Variants in ANKRD31 observed in about 807,000 individuals in gnomAD.
ANKRD31 encodes ankyrin repeat domain-containing protein 31.
Under a neutral mutation model 186.0 loss-of-function variants are expected in ANKRD31, and 147 were observed. That is an observed-to-expected ratio of 0.79 (90% confidence interval 0.69 to 0.91). ANKRD31 has a LOEUF of 0.91. Among genes scored for constraint, ANKRD31 ranks in the 40% least tolerant of loss-of-function variants. ANKRD31 has a pLI of 0.00. For missense variants in ANKRD31, 1,986 were observed against 2,148.8 expected (o/e 0.92, Z 1.50); for synonymous variants, 673 against 736.4 (o/e 0.91, Z 1.39).
intron 22 of ANKRD31, among the ~76,000 whole-genome samples, chr5:75,098,579 C>T (rs1257959395): frequency 1.3e-5 from 2 of 152,062 alleles, no homozygotes; most frequent in Non-Finnish European, 2.9e-5. Flanking sequence ...AATGTTCTTC[C>T]ATTTGTTTGT....
intron 10 of ANKRD31, among the ~76,000 whole-genome samples, chr5:75,187,142 GTGTGTGTTT>G (rs1754789863): frequency 6.9e-6 from 1 of 144,384 alleles, no homozygotes; most frequent in Non-Finnish European, 1.5e-5. Flanking sequence ...GTGTGTGTGT[GTGTGTGTTT>G]TGGGAGGTGA....
chr5:75,226,182 C>T (rs1167838690), intron 2 of ANKRD31, among the ~76,000 whole-genome samples: 1 of 152,104 alleles, frequency 6.6e-6, no homozygotes, highest in Non-Finnish European at 1.5e-5. Context: ...TTTTTGATTC[C>T]CATCTCTGGC....
At chr5:75,097,221 T>G (rs1033869476) in intron 22 of ANKRD31, among the ~76,000 whole-genome samples, 1 of 152,234 alleles carries the variant, frequency 6.6e-6, no homozygotes, top group Admixed American at 6.5e-5. Context: ...TCTAGATCCT[T>G]GAGGAATCAC....
intron 17 of ANKRD31, among the ~76,000 whole-genome samples, chr5:75,133,850 G>C (rs9754475): frequency 1.8e-3 from 275 of 152,190 alleles, no homozygotes; most frequent in African/African-American, 5.7e-3. Flanking sequence ...TAGAACTCAG[G>C]ATTAAGAAAC....
At chr5:75,214,431 GGGGTACC>G (rs1756839424) in intron 3 of ANKRD31, among the ~76,000 whole-genome samples, 1 of 152,176 alleles carries the variant, frequency 6.6e-6, no homozygotes, top group Admixed American at 6.5e-5. Context: ...AGTAGCATCA[GGGGTACC>G]TAACTTTAGA....
intron 10 of ANKRD31, among the ~76,000 whole-genome samples, chr5:75,174,231 A>G (rs1753587859): frequency 6.6e-6 from 1 of 152,252 alleles, no homozygotes. Flanking sequence ...AATTAATTCA[A>G]GATGGATTAA....
In ANKRD31 at chr5:75,104,828, T is replaced by C; in HGVS notation, c.4731A>G (p.Lys1577=). The change falls in exon 22 of 26, where the codon AAA becomes AAG. Residue 1577 remains lysine, a synonymous_variant. Transcript: ENST00000506364. ...CCAAGGTACAATCACTGCCATTTTG[T>C]TTAGAATTCATATCATTTCCAGAAA... ...GEFSGNDMNS[K]QNGSDCTLDG... 1 of 1,537,234 alleles carries C rather than the reference T, an allele frequency of 6.5e-7. No individual in the cohort carries two copies. The highest frequency in any genetic ancestry group is 2.4e-5 in the East Asian group (1 of 40,908).
At chr5:75,077,727 C>A (rs1383510857) in intron 25 of ANKRD31, among the ~76,000 whole-genome samples, 2 of 151,948 alleles carry the variant, frequency 1.3e-5, no homozygotes, top group African/African-American at 4.8e-5. Flanking sequence ...AGATCGAGAC[C>A]ATCCTGGCTA....
intron 22 of ANKRD31, among the ~76,000 whole-genome samples, chr5:75,097,150 T>C (rs1233951897): frequency 3.3e-5 from 5 of 152,218 alleles, no homozygotes; most frequent in African/African-American, 9.6e-5. Context: ...AGCAGCATGA[T>C]TTATAATCCT....
chr5:75,103,354 T>C (rs1336215330), intron 22 of ANKRD31, among the ~76,000 whole-genome samples: 2 of 152,188 alleles, frequency 1.3e-5, no homozygotes, highest in Admixed American at 1.3e-4. Context: ...AAACAACTGA[T>C]GCTGGCGAGG....
At chr5:75,138,736 GTTA>G in intron 16 of ANKRD31, 107 bp downstream of exon 16, 1 of 1,117,130 alleles carries the variant, frequency 9.0e-7, no homozygotes, top group Non-Finnish European at 1.2e-6. Flanking sequence ...ATTGTTCAAA[GTTA>G]TCACTTACAT....
intron 25 of ANKRD31, among the ~76,000 whole-genome samples, chr5:75,071,350 G>T (rs1243761917): frequency 6.7e-6 from 1 of 149,210 alleles, no homozygotes; most frequent in African/African-American, 2.5e-5. Context: ...TCATTATTTA[G>T]CAACACATTG....
chr5:75,094,355 A>C (rs1015824936), intron 22 of ANKRD31, among the ~76,000 whole-genome samples: 21 of 152,208 alleles, frequency 1.4e-4, no homozygotes, highest in Non-Finnish European at 8.8e-5. Context: ...TGGGTTTATA[A>C]ATTTATAAAC....
At chr5:75,192,089 T>C (rs1004862751) in intron 9 of ANKRD31, among the ~76,000 whole-genome samples, 14 of 152,118 alleles carry the variant, frequency 9.2e-5, no homozygotes, top group Non-Finnish European at 1.6e-4. Flanking sequence ...AATACTTTAA[T>C]GTATATTTCT....
intron 24 of ANKRD31, among the ~76,000 whole-genome samples, chr5:75,083,747 T>TG (rs945640034): frequency 3.2e-4 from 48 of 150,034 alleles, no homozygotes; most frequent in African/African-American, 1.1e-3. Flanking sequence ...AAAAAAAAGT[T>TG]GGGGGGGAAG....
chr5:75,095,410 CT>C (rs1561413119), intron 22 of ANKRD31, among the ~76,000 whole-genome samples: 1 of 151,802 alleles, frequency 6.6e-6, no homozygotes, highest in African/African-American at 2.4e-5. Flanking sequence ...GCAGGCAGAG[CT>C]TGCAGTGAGT....
chr5:75,116,675 AT>A lies in ANKRD31; in HGVS notation c.4045del (p.Ile1349PhefsTer48), dbSNP rs751401389. ...ATGTCTTTTAGACCGGACAGCAGGA[AT>A]TTTTTCTTTAAAAAGTAAAATTAGA... ...DESDAIVNEK[I>X]PAVRSKRHKQ... On this transcript the variant is annotated frameshift_variant, in exon 19 of 26. Coordinates refer to ENST00000506364, the MANE Select transcript of ANKRD31 (RefSeq NM_001372053.1). LOFTEE classifies it high-confidence loss of function. The A allele has an allele frequency of 1.4e-6, 2 of 1,399,328 alleles. No individual in the cohort carries two copies. The highest frequency in any genetic ancestry group is 3.5e-5 in the South Asian group (2 of 57,710). The allele number at this position is 1,399,328 out of a possible 1,614,324, so 86.7% of individuals were successfully genotyped here.
chr5:75,154,131 T>A, intron 12 of ANKRD31, 70 bp downstream of exon 12: 1 of 1,277,288 alleles, frequency 7.8e-7, no homozygotes, highest in South Asian at 2.4e-5. Flanking sequence ...TTAATTTCTT[T>A]AATTCTAAAT....
At chr5:75,130,362 G>A (rs140439218) in intron 17 of ANKRD31, among the ~76,000 whole-genome samples, 361 of 152,294 alleles carry the variant, frequency 2.4e-3, no homozygotes, top group African/African-American at 8.3e-3. Flanking sequence ...TGTGGAAAGG[G>A]ACCTCAGTGG....
Sources: gnomAD v4.1 joint callset for allele counts (sites outside exome capture counted in the v4.1 genomes callset) on GRCh38, gnomAD v4.1.1 for gene constraint, MANE v1.5 for transcripts, NCBI Gene and HGNC (gene_info 2026-07-23, HGNC 2026-07-21) for gene names.